The following CDK6 variants were observed in gnomAD, a reference collection of about 807,000 sequenced individuals.
CDK6 encodes the protein cyclin-dependent kinase 6.
CDK6 carries 6 observed loss-of-function variants against 37.1 expected under a neutral mutation model. The ratio of observed to expected loss-of-function variants is 0.16; its 90% CI spans 0.09 to 0.32. The LOEUF (loss-of-function observed/expected upper bound fraction) is 0.32. Among genes scored for constraint, CDK6 ranks in the 10% least tolerant of loss-of-function variants. The pLI is 1.00. For missense variants in CDK6, 224 were observed against 418.9 expected, an observed-to-expected ratio of 0.53 and a Z score of 4.06; for synonymous variants, 160 against 161.3, an observed-to-expected ratio of 0.99 and a Z score of 0.06.
At chr7:92,660,871 G>C (rs1796819647) in intron 5 of CDK6, among the ~76,000 whole-genome samples, 1 of 152,212 alleles carries the variant, frequency 6.6e-6, no homozygotes, top group Non-Finnish European at 1.5e-5. Context: ...AAGGGTATCT[G>C]TGAGGTGGTT....
chr7:92,686,674 C>A (rs4729048), intron 4 of CDK6, among the ~76,000 whole-genome samples: 137,112 of 152,200 alleles, frequency 0.9, 62,048 homozygotes, highest in East Asian at 1. Context: ...CCAATGATAG[C>A]TCTACTTTTA....
chr7:92,785,710 A>G lies in CDK6; in HGVS notation c.234-10879T>C, dbSNP rs553177585. On this transcript the variant is annotated intron_variant, in intron 2 of 7. Coordinates refer to ENST00000424848, the MANE Select transcript of CDK6 (RefSeq NM_001145306.2). ...AACCACTCTGTTATTCTGCCTCTGAATGCAGCACACCATTTGGAGCTGCAG... is the reference window on the plus strand; with the variant it reads ...AACCACTCTGTTATTCTGCCTCTGAGTGCAGCACACCATTTGGAGCTGCAG... Among the ~76,000 whole-genome samples the G allele has an allele frequency of 6.6e-5, 10 of 152,310 alleles. No homozygotes were observed. The East Asian group carries it at 1.7e-3, about 26-fold the overall frequency.
intron 4 of CDK6, among the ~76,000 whole-genome samples, chr7:92,724,122 G>A (rs1005490766): frequency 6.6e-6 from 1 of 152,002 alleles, no homozygotes; most frequent in African/African-American, 2.4e-5. Context: ...CTTCTCCCCA[G>A]GGCCCCAAAA....
intron 3 of CDK6, among the ~76,000 whole-genome samples, chr7:92,760,325 T>C (rs1031240015): frequency 6.6e-6 from 1 of 152,220 alleles, no homozygotes; most frequent in African/African-American, 2.4e-5. Context: ...ATGTTTGCTA[T>C]TTTATCAATA....
At chr7:92,773,213 AAAC>A (rs1799761409) in intron 3 of CDK6, among the ~76,000 whole-genome samples, 1 of 152,218 alleles carries the variant, frequency 6.6e-6, no homozygotes, top group Admixed American at 6.5e-5. Context: ...TAAAGGCAGA[AAAC>A]AAGATAAAGA....
chr7:92,672,382 CAAGT>C (rs1480845117), intron 4 of CDK6, among the ~76,000 whole-genome samples: 1 of 151,336 alleles, frequency 6.6e-6, no homozygotes, highest in African/African-American at 2.4e-5. Context: ...TTTCAGAAAA[CAAGT>C]AAAAAGTGGG....
At chr7:92,695,610 G>C (rs998053694) in intron 4 of CDK6, among the ~76,000 whole-genome samples, 3 of 152,154 alleles carry the variant, frequency 2.0e-5, no homozygotes, top group Admixed American at 6.5e-5. Flanking sequence ...CCCTTTCATT[G>C]AACAGAGACA....
intron 2 of CDK6, among the ~76,000 whole-genome samples, chr7:92,813,156 A>G (rs1379554286): frequency 1.3e-5 from 2 of 152,204 alleles, no homozygotes; most frequent in Non-Finnish European, 2.9e-5. Context: ...AAATGGGATA[A>G]TTTTTAAGGA....
At chr7:92,830,029 T>C (rs1801434855) in intron 2 of CDK6, among the ~76,000 whole-genome samples, 1 of 152,194 alleles carries the variant, frequency 6.6e-6, no homozygotes, top group Admixed American at 6.5e-5. Context: ...ATGCTATAAT[T>C]TTATCTCTAT....
At chr7:92,683,319 G>A (rs1387972223) in intron 4 of CDK6, among the ~76,000 whole-genome samples, 2 of 152,138 alleles carry the variant, frequency 1.3e-5, no homozygotes, top group Admixed American at 6.5e-5. Flanking sequence ...TCTAAGGTCC[G>A]TGCCTTCTTT....
At chr7:92,633,247 A>G (rs1796095252) in intron 5 of CDK6, among the ~76,000 whole-genome samples, 2 of 152,192 alleles carry the variant, frequency 1.3e-5, no homozygotes, top group Non-Finnish European at 2.9e-5. Context: ...ATGCCTATCC[A>G]GCACACTTTG....
intron 3 of CDK6, among the ~76,000 whole-genome samples, chr7:92,748,223 A>C (rs1799105650): frequency 6.6e-6 from 1 of 152,214 alleles, no homozygotes; most frequent in Non-Finnish European, 1.5e-5. Flanking sequence ...AGAAGCAACT[A>C]TTATATCATC....
chr7:92,778,947 A>ATATAT (rs1409140472), intron 2 of CDK6, among the ~76,000 whole-genome samples: 2 of 128,858 alleles, frequency 1.6e-5, no homozygotes, highest in African/African-American at 3.5e-5. Context: ...ATATATATAT[A>ATATAT]AGATATTATA....
chr7:92,721,366 C>T (rs1798360867), intron 4 of CDK6, among the ~76,000 whole-genome samples: 1 of 152,102 alleles, frequency 6.6e-6, no homozygotes, highest in Non-Finnish European at 1.5e-5. Context: ...GACATGCTTC[C>T]TTGGCACCCT....
chr7:92,655,488 T>C (rs1796674900), intron 5 of CDK6, among the ~76,000 whole-genome samples: 1 of 152,230 alleles, frequency 6.6e-6, no homozygotes, highest in Non-Finnish European at 1.5e-5. Flanking sequence ...GCCTAGAGAA[T>C]TCAATATGAC....
At chr7:92,787,311 TA>T (rs1294949767) in intron 2 of CDK6, among the ~76,000 whole-genome samples, 1 of 151,988 alleles carries the variant, frequency 6.6e-6, no homozygotes, top group African/African-American at 2.4e-5. Context: ...AATTTTTAAT[TA>T]AAAAAATTAT....
chr7:92,831,406 TAGGTAACAGACA>T (rs145084525), intron 2 of CDK6, among the ~76,000 whole-genome samples: 7 of 152,306 alleles, frequency 4.6e-5, no homozygotes, highest in Non-Finnish European at 1.0e-4. Context: ...GGATACTCCA[TAGGTAACAGACA>T]AAATAAAACA....
intron 4 of CDK6, among the ~76,000 whole-genome samples, chr7:92,711,783 G>T (rs1252472029): frequency 6.6e-6 from 1 of 151,176 alleles, no homozygotes; most frequent in Non-Finnish European, 1.5e-5. Flanking sequence ...GCCCAGGTTG[G>T]TCTCAAACTC....
At chr7:92,739,835 G>A (rs1340792872) in intron 3 of CDK6, among the ~76,000 whole-genome samples, 1 of 152,180 alleles carries the variant, frequency 6.6e-6, no homozygotes, top group Non-Finnish European at 1.5e-5. Flanking sequence ...GCTCACTGCA[G>A]CTTCAAACTC....
Sources: gnomAD v4.1 joint callset for allele counts (sites outside exome capture counted in the v4.1 genomes callset) on GRCh38, gnomAD v4.1.1 for gene constraint, MANE v1.5 for transcripts, NCBI Gene and HGNC (gene_info 2026-07-23, HGNC 2026-07-21) for gene names.